PAX7: variants seen among roughly 807,000 people sequenced by gnomAD.
The protein encoded by PAX7 is paired box 7, also known as paired box protein Pax-7.
In PAX7, 18 loss-of-function variants were observed where a neutral mutation model predicts 50.7. That is an observed-to-expected ratio of 0.36 (90% CI 0.25 to 0.53). PAX7 has a LOEUF of 0.53. Among genes scored for constraint, PAX7 ranks in the 20% least tolerant of loss-of-function variants. The pLI is 0.93. For synonymous variants in PAX7, 310 were observed against 290.4 expected, an observed-to-expected ratio of 1.07 and a Z score of -0.69; for missense variants, 644 against 702.9, an observed-to-expected ratio of 0.92 and a Z score of 0.95.
chr1:18,678,654 A>G (rs1341482245), intron 4 of PAX7, among the ~76,000 whole-genome samples: 1 of 152,206 alleles, frequency 6.6e-6, no homozygotes, highest in African/African-American at 2.4e-5. Context: ...AGAAGATGGC[A>G]CAGGCAGCAA....
intron 4 of PAX7, among the ~76,000 whole-genome samples, chr1:18,652,905 G>A (rs1346131292): frequency 2.0e-5 from 3 of 152,144 alleles, no homozygotes; most frequent in Admixed American, 2.0e-4. Flanking sequence ...ATGCCCCGTG[G>A]GTATCTGTTT....
In PAX7 at chr1:18,681,731, TTTTA is replaced by T. The variant is rs2088904096; in HGVS notation, c.587-10019_587-10016del. On this transcript the variant is annotated intron_variant, in intron 4 of 8. Transcript: ENST00000420770. ...TTTTATTTTATTTTATTTTATTTTA[TTTTA>T]TTTTATTTTATTTTATTTTTATTTT... Among the ~76,000 whole-genome samples, 19 of 136,418 alleles carry T rather than the reference TTTTA, an allele frequency of 1.4e-4. No individual in the cohort carries two copies. The Middle Eastern group carries it at 0.011, about 79-fold the overall frequency. The allele number at this position is 136,418 out of a possible 152,430, so 89.5% of individuals were successfully genotyped here.
intron 4 of PAX7, among the ~76,000 whole-genome samples, chr1:18,677,901 G>A (rs1457014782): frequency 6.6e-6 from 1 of 151,266 alleles, no homozygotes; most frequent in African/African-American, 2.4e-5. Context: ...GACCAATATG[G>A]TGCAACCCTG....
chr1:18,744,822 G>A lies in PAX7; in HGVS notation c.1411G>A (p.Asp471Asn), dbSNP rs1337877648. ...TCTCTTCTTTTTTCCAGCTGCTGTTGATTATCTGGCCAAAAATGTGAGCCT... is the reference window on the plus strand; with the variant it reads ...TCTCTTCTTTTTTCCAGCTGCTGTTAATTATCTGGCCAAAAATGTGAGCCT... ...QYGQYGQTAVDYLAKNVSLST... is the reference protein window; with the variant it reads ...QYGQYGQTAVNYLAKNVSLST... The change falls in exon 9 of 9, where the codon GAT becomes AAT. Residue 471 changes from aspartate to asparagine, a missense_variant. By Grantham distance (23) the Asp-to-Asn change is conservative. Transcript: ENST00000420770. The A allele has an allele frequency of 6.4e-7, 1 of 1,551,816 alleles. No homozygotes were observed. The highest frequency in any genetic ancestry group is 1.2e-5 in the South Asian group (1 of 84,078).
chr1:18,672,594 G>A (rs905399211), intron 4 of PAX7, among the ~76,000 whole-genome samples: 18 of 136,840 alleles, frequency 1.3e-4, no homozygotes, highest in Non-Finnish European at 2.2e-4. Context: ...GGAGAGCACT[G>A]TGTTTTTTTT....
At chr1:18,698,142 G>A (rs965333455) in intron 5 of PAX7, among the ~76,000 whole-genome samples, 3 of 151,860 alleles carry the variant, frequency 2.0e-5, no homozygotes, top group Non-Finnish European at 4.4e-5. Flanking sequence ...AATGCCCATC[G>A]CTCTCCCACC....
chr1:18,729,720 G>A (rs2089621494), intron 7 of PAX7, among the ~76,000 whole-genome samples: 1 of 152,068 alleles, frequency 6.6e-6, no homozygotes, highest in South Asian at 2.1e-4. Flanking sequence ...GCTGAGACTG[G>A]GAGACTCCAA....
intron 4 of PAX7, 107 bp from the exon 5 acceptor site, chr1:18,691,647 A>T: frequency 1.1e-6 from 1 of 895,384 alleles, no homozygotes; most frequent in Non-Finnish European, 1.7e-6. Context: ...AAGTGCAGTC[A>T]TGGGTCCTAG....
intron 8 of PAX7, among the ~76,000 whole-genome samples, chr1:18,736,679 C>A (rs1930686528): frequency 6.6e-6 from 1 of 152,174 alleles, no homozygotes; most frequent in African/African-American, 2.4e-5. Context: ...GAGTTTTCAA[C>A]AGAAATACTT....
intron 7 of PAX7, among the ~76,000 whole-genome samples, chr1:18,717,918 T>C (rs2089447254): frequency 6.6e-6 from 1 of 152,094 alleles, no homozygotes; most frequent in South Asian, 2.1e-4. Context: ...TGCAGCCCCC[T>C]CTTAGGGGGA....
intron 4 of PAX7, among the ~76,000 whole-genome samples, chr1:18,681,642 T>C (rs563617133): frequency 6.6e-6 from 1 of 152,340 alleles, no homozygotes; most frequent in African/African-American, 2.4e-5. Context: ...CACTGCAGTT[T>C]CCCCTTGCAT....
chr1:18,743,970 TCA>T, intron 8 of PAX7, among the ~76,000 whole-genome samples: 1 of 152,254 alleles, frequency 6.6e-6, no homozygotes, highest in East Asian at 1.9e-4. Flanking sequence ...TTTCAGTTGT[TCA>T]CACACACAAG....
At chr1:18,635,002 T>C (rs1218988901) in intron 2 of PAX7, 109 bp from the exon 3 acceptor site, 1 of 1,364,826 alleles carries the variant, frequency 7.3e-7, no homozygotes, top group Non-Finnish European at 1.0e-6. Flanking sequence ...GGACACAAGG[T>C]AACCAGAACC....
chr1:18,738,174 G>T (rs1281090480), intron 8 of PAX7, among the ~76,000 whole-genome samples: 3 of 152,114 alleles, frequency 2.0e-5, no homozygotes, highest in Admixed American at 2.0e-4. Context: ...GTGTACGTGG[G>T]GGTCTGCATG....
At chr1:18,664,079 C>T (rs2088634787) in intron 4 of PAX7, among the ~76,000 whole-genome samples, 2 of 152,246 alleles carry the variant, frequency 1.3e-5, no homozygotes, top group South Asian at 4.1e-4. Flanking sequence ...TCTCCCAGAT[C>T]GTTGTACCAA....
chr1:18,633,571 T>A (rs1037212359), intron 1 of PAX7, among the ~76,000 whole-genome samples: 2 of 152,196 alleles, frequency 1.3e-5, no homozygotes, highest in Non-Finnish European at 2.9e-5. Flanking sequence ...GGGGCAGTAG[T>A]GTCCTAAAAT....
intron 4 of PAX7, among the ~76,000 whole-genome samples, chr1:18,650,049 T>C (rs972023530): frequency 1.3e-5 from 2 of 152,110 alleles, no homozygotes; most frequent in Non-Finnish European, 2.9e-5. Context: ...ACAGCCTGTT[T>C]CCCCATGGAT....
chr1:18,652,246 C>T (rs920039744), intron 4 of PAX7, among the ~76,000 whole-genome samples: 8 of 151,796 alleles, frequency 5.3e-5, no homozygotes, highest in Admixed American at 1.3e-4. Context: ...CCCTTCTCTT[C>T]CCCGCCCCCC....
chr1:18,680,039 T>C (rs1345956782), intron 4 of PAX7, among the ~76,000 whole-genome samples: 1 of 152,200 alleles, frequency 6.6e-6, no homozygotes, highest in Admixed American at 6.5e-5. Context: ...TCTTTGTGCA[T>C]GACAACTCTG....
Sources: gnomAD v4.1 joint callset for allele counts (sites outside exome capture counted in the v4.1 genomes callset) on GRCh38, gnomAD v4.1.1 for gene constraint, MANE v1.5 for transcripts, NCBI Gene and HGNC (gene_info 2026-07-23, HGNC 2026-07-21) for gene names.